Variants in DENND11 observed in about 807,000 individuals in gnomAD.
DENND11 encodes DENN domain-containing protein 11.
A neutral mutation model predicts 49.2 loss-of-function variants in DENND11; 34 were observed. The ratio of observed to expected loss-of-function variants is 0.69; its 90% CI spans 0.53 to 0.92. The LOEUF is 0.92. Ranked by LOEUF, DENND11 falls within the 40% of genes least tolerant of loss-of-function variation. The pLI, the probability that DENND11 is intolerant of heterozygous loss-of-function variation, is 0.00. For synonymous variants in DENND11, 238 were observed against 230.3 expected (o/e 1.03, Z -0.30); for missense variants, 475 against 581.6 (o/e 0.82, Z 1.88).
intron 3 of DENND11, 112 bp downstream of exon 3, chr7:141,685,366 T>C (rs1167592575): frequency 7.4e-7 from 1 of 1,343,622 alleles, no homozygotes; most frequent in African/African-American, 1.4e-5. Flanking sequence ...ATGGATGTTC[T>C]TGGAAAGACA....
rs776515146 is a variant in DENND11 at position 141,662,630 on chromosome 7, GTGGCTCCCAGTCCTGT to G, written c.*10_*25del. 3.3e-4 allele frequency: 493 copies of G among 1,508,566 alleles called. 5 individuals are homozygous for G. In the South Asian group the frequency reaches 6.0e-3, roughly 18 times the overall value. The allele number at this position is 1,508,566 out of a possible 1,614,324, so 93.4% of individuals were successfully genotyped here. ...CCGGGCTGCTGACATCCCACGTGAAGTGGCTCCCAGTCCTGTTGGCTCCTCCTACGGGCAACAGGGG... is the reference window on the plus strand; with the variant it reads ...CCGGGCTGCTGACATCCCACGTGAAGTGGCTCCTCCTACGGGCAACAGGGG... On this transcript the variant is annotated 3_prime_UTR_variant, in exon 9 of 9. Transcript: ENST00000536163.
chr7:141,665,597 C>T lies in DENND11; in HGVS notation c.821-279G>A, dbSNP rs184838314. Among the ~76,000 whole-genome samples, 25 of 152,216 alleles carry T rather than the reference C, an allele frequency of 1.6e-4. 1 individual carries two copies. Among genetic ancestry groups the T allele is most frequent in the Admixed American group, 2.6e-4 (4 of 15,292 alleles). ...TTAGAATTTGACCTTGTCAGAACTC[C>T]GGCCTCTGTAACCCTTGTGTCTTCC... On this transcript the variant is annotated intron_variant, in intron 5 of 8. Transcript: ENST00000536163.
chr7:141,687,967 G>T (rs1176811305), intron 1 of DENND11, among the ~76,000 whole-genome samples: 1 of 152,050 alleles, frequency 6.6e-6, no homozygotes, highest in Non-Finnish European at 1.5e-5. Flanking sequence ...TTTTAGTAGA[G>T]ATGGGGTTTC....
rs142106343 is a variant in DENND11 at position 141,682,951 on chromosome 7, CAAA to C, written c.527+2524_527+2526del. Among the ~76,000 whole-genome samples, 22 of 100,704 alleles carry C rather than the reference CAAA, an allele frequency of 2.2e-4. 1 individual carries two copies. The highest frequency in any genetic ancestry group is 9.7e-4 in the Admixed American group (10 of 10,284). 66.1% of individuals were successfully genotyped at this position (100,704 alleles called of 152,430 possible). On this transcript the variant is annotated intron_variant, in intron 3 of 8. Transcript: ENST00000536163. ...GAACTTCATAATATTACTTCTGAGA[CAAA>C]AAAAAAAAAAACTGAGGAAATATTT...
intron 4 of DENND11, among the ~76,000 whole-genome samples, chr7:141,667,538 A>G (rs1170554129): frequency 1.3e-5 from 2 of 150,298 alleles, no homozygotes; most frequent in Non-Finnish European, 3.0e-5. Context: ...AAAAACAGAA[A>G]GGCTTCAAAC....
chr7:141,685,800 G>C (rs1044521081), intron 2 of DENND11, among the ~76,000 whole-genome samples, 164 bp from the exon 3 acceptor site: 1 of 152,192 alleles, frequency 6.6e-6, no homozygotes, highest in African/African-American at 2.4e-5. Flanking sequence ...AGCTTGAAGA[G>C]ATTACATAAC....
At chr7:141,698,425 T>G (rs1302391114) in intron 1 of DENND11, among the ~76,000 whole-genome samples, 1 of 152,208 alleles carries the variant, frequency 6.6e-6, no homozygotes, top group Non-Finnish European at 1.5e-5. Flanking sequence ...GGGTCTGGTT[T>G]CAATAGCAGC....
Position 141,674,136 on chromosome 7 carries a change from G to T in DENND11, c.612C>A (p.Gly204=). Reference sequence around the variant, plus strand: ...AGACAGGGGGCAGGCTGCTGCCTCTGCCGGGACCAGCATGGAGCACCCCCT... The same window carrying T: ...AGACAGGGGGCAGGCTGCTGCCTCTTCCGGGACCAGCATGGAGCACCCCCT... The part of the protein sequence containing the change: ...DKKGVLHAGP[G]RGSSLPPVYW... The change falls in exon 4 of 9, where the codon GGC becomes GGA. Residue 204 remains glycine (G), a synonymous_variant. Transcript: ENST00000536163. The T allele has an allele frequency of 6.3e-7, 1 of 1,589,476 alleles. No individual in the cohort carries two copies. Among genetic ancestry groups the T allele is most frequent in the African/African-American group, 1.3e-5 (1 of 74,468 alleles).
chr7:141,694,134 C>T (rs2117081091), intron 1 of DENND11, among the ~76,000 whole-genome samples: 1 of 152,026 alleles, frequency 6.6e-6, no homozygotes, highest in African/African-American at 2.4e-5. Flanking sequence ...TAAAATTGCT[C>T]TAAAAAATAA....
intron 3 of DENND11, among the ~76,000 whole-genome samples, chr7:141,682,586 G>A (rs1209060669): frequency 2.0e-5 from 3 of 152,194 alleles, no homozygotes; most frequent in Non-Finnish European, 4.4e-5. Context: ...ATTTGGGAAA[G>A]AGCACCTTAC....
At chr7:141,701,858 A>G (rs2117089277) in intron 1 of DENND11, 28 bp downstream of exon 1, 1 of 1,168,588 alleles carries the variant, frequency 8.6e-7, no homozygotes, top group Non-Finnish European at 1.1e-6. Context: ...GACCCTCCCC[A>G]CGCGCCTGGC....
intron 3 of DENND11, among the ~76,000 whole-genome samples, chr7:141,676,079 C>T (rs922443066): frequency 2.6e-5 from 4 of 152,244 alleles, no homozygotes; most frequent in Middle Eastern, 3.4e-3. Flanking sequence ...GTCAAACTGA[C>T]GAAAGTCTGA....
In DENND11 at chr7:141,665,195, T is replaced by C. The variant is rs909066424; in HGVS notation, c.944A>G (p.Tyr315Cys). ...DIESLEVEVS[Y>C]VACTTEKIFE... ...GAGGGCCCCGTACTCACAGGCCACA[T>C]AGGACACCTCTACCTCCAGGCTCTC... The change falls in exon 6 of 9, where the codon TAT becomes TGT. Residue 315 changes from tyrosine (Y) to cysteine (C), a missense_variant. Coordinates refer to ENST00000536163, the MANE Select transcript of DENND11 (RefSeq NM_001080392.2). 5 of 1,612,932 alleles carry C rather than the reference T, an allele frequency of 3.1e-6. No homozygotes were observed. The highest frequency in any genetic ancestry group is 1.7e-5 in the Admixed American group (1 of 59,854).
chr7:141,674,230 A>AC lies in DENND11; in HGVS notation c.528-11_528-10insG, dbSNP rs1798030375. 1.9e-5 allele frequency: 28 copies of AC among 1,494,624 alleles called. No individual in the cohort carries two copies. Among genetic ancestry groups the AC allele is most frequent in the Non-Finnish European group, 2.2e-5 (25 of 1,119,096 alleles). The allele number at this position is 1,494,624 out of a possible 1,614,324, so 92.6% of individuals were successfully genotyped here. On this transcript the variant is annotated splice_polypyrimidine_tract_variant and intron_variant, in intron 3 of 8. Coordinates refer to ENST00000536163, the MANE Select transcript of DENND11 (RefSeq NM_001080392.2). ...CATCTCCAACTGGTGCCTGCAGAAAAACACACACACACACACACACACACA... is the reference window on the plus strand; with the variant it reads ...CATCTCCAACTGGTGCCTGCAGAAAACACACACACACACACACACACACACA...
Position 141,658,399 on chromosome 7 carries a change from G to A in DENND11, c.*4257C>T, listed in dbSNP as rs1797732091. 6.6e-6 allele frequency: 1 copy of A among 152,110 alleles called. No homozygotes were observed. The highest frequency in any genetic ancestry group is 2.4e-5 in the African/African-American group (1 of 41,430). 9.4% of individuals were successfully genotyped at this position (152,110 alleles called of 1,614,324 possible). A position where few individuals can be genotyped will look rare whatever the true frequency, so the allele number is the denominator to read the frequency against. ...CTCTCCCCCTACCTGAATCACAAAA[G>A]GGTTTTCCTGAAATGAGAGGGGATG... On this transcript the variant is annotated 3_prime_UTR_variant, in exon 9 of 9. Coordinates refer to ENST00000536163, the MANE Select transcript of DENND11 (RefSeq NM_001080392.2).
chr7:141,701,950 C>T lies in DENND11; in HGVS notation c.204G>A (p.Glu68=), dbSNP rs1202406619. 8 of 1,191,932 alleles carry T rather than the reference C, an allele frequency of 6.7e-6. No homozygotes were observed. The highest frequency in any genetic ancestry group is 6.3e-4 in the Middle Eastern group (2 of 3,168). 73.8% of individuals were successfully genotyped at this position (1,191,932 alleles called of 1,614,324 possible). Reference sequence around the variant, plus strand: ...CCTGGTCCTCCTCCACGTCGCCCAGCTCCAGGCGCCCGGGCTGCAGCAGCA... The same window carrying T: ...CCTGGTCCTCCTCCACGTCGCCCAGTTCCAGGCGCCCGGGCTGCAGCAGCA... ...PEVLLQPGRL[E]LGDVEEDQVV... Residue 68 remains glutamate (E), a synonymous_variant, in exon 1 of 9, where the codon GAG becomes GAA. Transcript: ENST00000536163.
intron 5 of DENND11, among the ~76,000 whole-genome samples, chr7:141,665,722 C>T (rs149844466): frequency 6.6e-6 from 1 of 152,202 alleles, no homozygotes; most frequent in East Asian, 1.9e-4. Flanking sequence ...TGTACTTTCC[C>T]CAGGTAACGC....
chr7:141,701,360 G>T (rs560148878), intron 1 of DENND11, among the ~76,000 whole-genome samples: 1 of 147,238 alleles, frequency 6.8e-6, no homozygotes, highest in East Asian at 2.1e-4. Flanking sequence ...GGGGAGCTAG[G>T]GCGAGCGGGG....
intron 4 of DENND11, among the ~76,000 whole-genome samples, chr7:141,668,600 C>CAAACA (rs35952269): frequency 4.0e-5 from 6 of 150,742 alleles, no homozygotes; most frequent in African/African-American, 7.5e-5. Context: ...AACAAACAAA[C>CAAACA]AACAAACAAA....
Sources: allele counts gnomAD v4.1 joint callset (sites outside exome capture counted in the v4.1 genomes callset), GRCh38; gene constraint gnomAD v4.1.1; transcripts MANE v1.5; gene names NCBI Gene and HGNC (gene_info 2026-07-23, HGNC 2026-07-21).